The following MYO7A variants were observed in gnomAD, a reference collection of about 807,000 sequenced individuals.
MYO7A encodes the protein myosin VIIA, also known as unconventional myosin-VIIa.
Under a neutral mutation model 263.8 loss-of-function variants are expected in MYO7A, and 210 were observed. That is an observed-to-expected ratio of 0.80 (90% CI 0.71 to 0.89). MYO7A has a LOEUF of 0.89. Among genes scored for constraint, MYO7A ranks in the 40% least tolerant of loss-of-function variants. The probability of loss-of-function intolerance (pLI) is 0.00; values close to 1 mark genes in which losing one functional copy is unlikely to be tolerated. For synonymous variants in MYO7A, 1,239 were observed against 1,197.3 expected (o/e 1.03, Z -0.72); for missense variants, 2,820 against 2,968.3 (o/e 0.95, Z 1.16).
intron 34 of MYO7A, 109 bp downstream of exon 34, chr11:77,198,730 C>T (rs1362017608): frequency 2.0e-6 from 3 of 1,507,828 alleles, no homozygotes; most frequent in Non-Finnish European, 1.8e-6. Context: ...TGCCTGGTTG[C>T]ACGTGATTGG....
intron 13 of MYO7A, among the ~76,000 whole-genome samples, 179 bp from the exon 14 acceptor site, chr11:77,162,674 A>G (rs1555069904): frequency 6.6e-6 from 1 of 152,192 alleles, no homozygotes; most frequent in African/African-American, 2.4e-5. Context: ...AAAGTTGTGT[A>G]GTTCCAATTC....
chr11:77,204,284 A>C (rs1957289017), intron 39 of MYO7A, 55 bp downstream of exon 39: 5 of 1,542,140 alleles, frequency 3.2e-6, no homozygotes, highest in Non-Finnish European at 1.8e-6. Context: ...TGTGACGGGC[A>C]GCTCTTACCC....
chr11:77,197,554 G>T lies in MYO7A; in HGVS notation c.4397G>T (p.Trp1466Leu). ...EDVVSYARFKWPLLFSRFYEA... is the reference protein window; with the variant it reads ...EDVVSYARFKLPLLFSRFYEA... ...GTGGTCAGTTATGCCCGCTTCAAGTGGCCCTTGCTCTTCTCCAGGTTTTAT... is the reference window on the plus strand; with the variant it reads ...GTGGTCAGTTATGCCCGCTTCAAGTTGCCCTTGCTCTTCTCCAGGTTTTAT... The change falls in exon 33 of 49, where the codon TGG becomes TTG. Residue 1466 changes from tryptophan to leucine, a missense_variant. Physicochemically the swap from Trp to Leu is moderately conservative, Grantham distance 61. Transcript: ENST00000409709. 6.2e-7 allele frequency: 1 copy of T among 1,607,166 alleles called. No individual in the cohort carries two copies. The highest frequency in any genetic ancestry group is 8.5e-7 in the Non-Finnish European group (1 of 1,176,784).
At position 77,211,325 on chromosome 11, in the gene MYO7A, TGACTG is replaced by T. The variant is rs2135785861; in HGVS notation, c.6228_6232del (p.Asp2076GlufsTer50). On this transcript the variant is annotated frameshift_variant, in exon 45 of 49. Transcript: ENST00000409709. LOFTEE classifies it high-confidence loss of function. ...ACCTTATCCGGCAGGTCTCACCTGA[TGACTG>T]GAAGCGGGTGAGCATGGGGTGGGCA... 6.3e-7 allele frequency: 1 copy of T among 1,581,570 alleles called. No homozygotes were observed.
intron 1 of MYO7A, among the ~76,000 whole-genome samples, chr11:77,130,286 C>G (rs1337695085): frequency 6.6e-6 from 1 of 152,266 alleles, no homozygotes; most frequent in African/African-American, 2.4e-5. Flanking sequence ...TGGTCCCTCT[C>G]TGGGCCCCTT....
intron 15 of MYO7A, among the ~76,000 whole-genome samples, chr11:77,167,330 C>T (rs1162210946): frequency 2.6e-5 from 4 of 152,118 alleles, no homozygotes; most frequent in African/African-American, 9.7e-5. Context: ...CCGGTCCTTC[C>T]ACCAGGCCCT....
At chr11:77,181,346 ACC>A in intron 22 of MYO7A, 32 bp from the exon 23 acceptor site, 1 of 1,530,440 alleles carries the variant, frequency 6.5e-7, no homozygotes, top group Non-Finnish European at 8.8e-7. Flanking sequence ...CCGGGGGCTG[ACC>A]CCGTGTCTTC....
intron 31 of MYO7A, chr11:77,194,129 G>A: frequency 1.4e-6 from 1 of 696,000 alleles, no homozygotes. Context: ...GTGCCAGAGG[G>A]ATCCAGGAGA....
At chr11:77,151,288 G>A (rs1223852808) in intron 4 of MYO7A, among the ~76,000 whole-genome samples, 1 of 152,256 alleles carries the variant, frequency 6.6e-6, no homozygotes, top group Non-Finnish European at 1.5e-5. Context: ...GGAGGTGGGA[G>A]GCTGGTGTCC....
chr11:77,146,129 G>T (rs565080956), intron 3 of MYO7A, among the ~76,000 whole-genome samples: 5 of 152,210 alleles, frequency 3.3e-5, no homozygotes, highest in African/African-American at 9.7e-5. Flanking sequence ...GGAAACCTCC[G>T]AGCCAAGCCT....
chr11:77,213,350 C>G (rs1957989602), intron 47 of MYO7A, among the ~76,000 whole-genome samples: 1 of 152,262 alleles, frequency 6.6e-6, no homozygotes, highest in African/African-American at 2.4e-5. Flanking sequence ...GACCGTGCAT[C>G]TGTGTTTCTG....
chr11:77,202,963 C>T (rs1398973803), intron 37 of MYO7A, 97 bp from the exon 38 acceptor site: 2 of 1,438,290 alleles, frequency 1.4e-6, no homozygotes, highest in African/African-American at 1.5e-5. Context: ...AGCCTCTGGA[C>T]ACAGGGATGG....
At chr11:77,132,765 G>A in intron 2 of MYO7A, among the ~76,000 whole-genome samples, 1 of 152,228 alleles carries the variant, frequency 6.6e-6, no homozygotes, top group East Asian at 1.9e-4. Flanking sequence ...GGGATTACAG[G>A]CGTGAGCCAC....
At chr11:77,194,148 G>A (rs1234596660) in intron 31 of MYO7A, 1 of 712,012 alleles carries the variant, frequency 1.4e-6, no homozygotes, top group East Asian at 2.7e-5. Context: ...GAAGGTGAGG[G>A]TGTGGCCCTG....
At chr11:77,208,841 C>G (rs775860663) in intron 44 of MYO7A, 38 bp downstream of exon 44, 3 of 1,449,420 alleles carry the variant, frequency 2.1e-6, no homozygotes, top group Non-Finnish European at 2.8e-6. Context: ...TCGTGCACAG[C>G]TAGCGTTGCT....
chr11:77,199,777 G>A lies in MYO7A; in HGVS notation c.4811G>A (p.Arg1604Lys). The change falls in exon 35 of 49, where the codon AGA becomes AAA. Residue 1604 changes from arginine to lysine, a missense_variant. Coordinates refer to ENST00000409709, the MANE Select transcript of MYO7A (RefSeq NM_000260.4). ...ACCTTCCTAGAGGGGCTCCGGAAGA[G>A]ATCTAAGTATGTTGTGGCCCTGCAG... ...VVTFLEGLRK[R>K]SKYVVALQDN... 6.2e-7 allele frequency: 1 copy of A among 1,609,414 alleles called. No homozygotes were observed.
Position 77,182,296 on chromosome 11 carries a change from G to A in MYO7A, c.3109-128G>A, listed in dbSNP as rs45595339. ...CAGGTCTGACTATAGTCTTCACTGC[G>A]GTGCCCAGCCTGAGGGCTGACCATG... On this transcript the variant is annotated intron_variant, in intron 24 of 48. Coordinates refer to ENST00000409709, the MANE Select transcript of MYO7A (RefSeq NM_000260.4). 9.9e-3 allele frequency: 14,180 copies of A among 1,430,544 alleles called. 111 individuals are homozygous for A. The highest frequency in any genetic ancestry group is 0.012 in the Non-Finnish European group (12,369 of 1,063,610). The allele number at this position is 1,430,544 out of a possible 1,614,324, so 88.6% of individuals were successfully genotyped here.
chr11:77,182,685 A>AG, intron 25 of MYO7A, 85 bp downstream of exon 25: 1 of 1,342,802 alleles, frequency 7.4e-7, no homozygotes, highest in South Asian at 1.2e-5. Context: ...GCTCCTCTGC[A>AG]GAAAAAGGAT....
chr11:77,150,526 A>G (rs1391500345), intron 4 of MYO7A, among the ~76,000 whole-genome samples: 1 of 152,238 alleles, frequency 6.6e-6, no homozygotes, highest in Non-Finnish European at 1.5e-5. Flanking sequence ...TGGGTTCTCC[A>G]GAAAGGCCCC....
Sources: gnomAD v4.1 joint callset for allele counts (sites outside exome capture counted in the v4.1 genomes callset) on GRCh38, gnomAD v4.1.1 for gene constraint, MANE v1.5 for transcripts, NCBI Gene and HGNC (gene_info 2026-07-23, HGNC 2026-07-21) for gene names.